The following PTPRO variants were observed in gnomAD, a reference collection of about 807,000 sequenced individuals.
PTPRO encodes protein tyrosine phosphatase receptor type O, also known as receptor-type tyrosine-protein phosphatase O.
In PTPRO, 62 loss-of-function variants were observed where a neutral mutation model predicts 145.2. The ratio of observed to expected loss-of-function variants is 0.43; its 90% CI spans 0.35 to 0.53. PTPRO has a LOEUF of 0.53. Among genes scored for constraint, PTPRO ranks in the 20% least tolerant of loss-of-function variants. The probability of loss-of-function intolerance (pLI) is 0.01; values close to 1 mark genes in which losing one functional copy is unlikely to be tolerated. For missense variants in PTPRO, 1,345 were observed against 1,482.7 expected (o/e 0.91, Z 1.53); for synonymous variants, 565 against 514.7 (o/e 1.10, Z -1.32).
chr12:15,342,684 T>C (rs1414183590), intron 1 of PTPRO, among the ~76,000 whole-genome samples: 2 of 152,168 alleles, frequency 1.3e-5, no homozygotes, highest in Non-Finnish European at 2.9e-5. Context: ...GCCTCGAAGT[T>C]TTCCTGTTAG....
At chr12:15,476,377 T>C (rs1397094933) in intron 1 of PTPRO, among the ~76,000 whole-genome samples, 1 of 152,156 alleles carries the variant, frequency 6.6e-6, no homozygotes, top group East Asian at 1.9e-4. Flanking sequence ...AAAAAATGCA[T>C]TGTTCATGTC....
intron 15 of PTPRO, among the ~76,000 whole-genome samples, chr12:15,553,270 A>G (rs1462311294): frequency 6.6e-6 from 1 of 152,226 alleles, no homozygotes; most frequent in Non-Finnish European, 1.5e-5. Context: ...AATAAACAAT[A>G]AAGATATAAG....
chr12:15,400,598 C>G (rs1265298017), intron 1 of PTPRO, among the ~76,000 whole-genome samples: 1 of 152,218 alleles, frequency 6.6e-6, no homozygotes, highest in Non-Finnish European at 1.5e-5. Flanking sequence ...AACTGAGGCA[C>G]CTTGCATCAT....
chr12:15,337,204 A>G (rs911512052), intron 1 of PTPRO, among the ~76,000 whole-genome samples: 1 of 152,186 alleles, frequency 6.6e-6, no homozygotes, highest in East Asian at 1.9e-4. Context: ...ACTATCATTC[A>G]TTGCAGGAAG....
intron 17 of PTPRO, among the ~76,000 whole-genome samples, chr12:15,563,273 G>T (rs1323516121): frequency 1.3e-5 from 2 of 152,038 alleles, no homozygotes; most frequent in Non-Finnish European, 2.9e-5. Context: ...GCAATGAAAA[G>T]GCGAACCCTA....
At chr12:15,549,319 GC>G in intron 14 of PTPRO, 93 bp downstream of exon 14, 1 of 1,073,694 alleles carries the variant, frequency 9.3e-7, no homozygotes, top group Non-Finnish European at 1.2e-6. Flanking sequence ...GAAATCCCAA[GC>G]TTCGGAGTCA....
rs761192939 is a variant in PTPRO at position 15,466,675 on chromosome 12, T to C, written c.76-17299T>C. Among the ~76,000 whole-genome samples the C allele has an allele frequency of 2.6e-5, 4 of 152,330 alleles. No individual in the cohort carries two copies. In the South Asian group the frequency reaches 6.2e-4, roughly 24 times the overall value. ...TCTCACAACAACCTTGTGATGTTGG[T>C]GTCCTTCTCCCATTTTATAGATGAA... On this transcript the variant is annotated intron_variant, in intron 1 of 26. Coordinates refer to ENST00000281171, the MANE Select transcript of PTPRO (RefSeq NM_030667.3).
intron 1 of PTPRO, among the ~76,000 whole-genome samples, chr12:15,349,112 T>C (rs532783797): frequency 1.3e-5 from 2 of 152,320 alleles, no homozygotes; most frequent in East Asian, 1.9e-4. Context: ...ATAATAAAAC[T>C]TATAGTAGAT....
At position 15,524,847 on chromosome 12, in the gene PTPRO, A is replaced by G. The variant is rs1243141921; in HGVS notation, c.1925A>G (p.Tyr642Cys). The change falls in exon 11 of 27, where the codon TAT becomes TGT. Residue 642 changes from tyrosine to cysteine, a missense_variant. Physicochemically the swap from Tyr to Cys is radical, Grantham distance 194. This residue lies in a region of PTPRO where 1,130 missense variants were observed against 1,214.7 expected (regional missense o/e 0.93). Coordinates refer to ENST00000281171, the MANE Select transcript of PTPRO (RefSeq NM_030667.3). ...GCTCCGGAAATCACTTCTGTGGAAT[A>G]TTTCAACAGTCTGTTATATATCAGT... Reference protein sequence around the residue: ...PVAPEITSVEYFNSLLYISWT... With the variant: ...PVAPEITSVECFNSLLYISWT... The G allele has an allele frequency of 1.9e-6, 3 of 1,613,540 alleles. No homozygotes were observed. The highest frequency in any genetic ancestry group is 2.2e-5 in the East Asian group (1 of 44,852).
rs61249816 is a variant in PTPRO, at chr12:15,544,506, C to CAAA, written c.2165-2044_2165-2042dup. The stretch of plus-strand genomic sequence containing the variant: ...CTGGTGACAGAGCGAGACTCCATCT[C>CAAA]AAAAAAAAAAAAAAAAAAAAAGATT... On this transcript the variant is annotated intron_variant, in intron 12 of 26. Transcript: ENST00000281171. Among the ~76,000 whole-genome samples the CAAA allele has an allele frequency of 4.6e-3, 338 of 73,122 alleles. 22 individuals are homozygous for CAAA. The highest frequency in any genetic ancestry group is 0.015 in the Middle Eastern group (2 of 130). 48.0% of individuals were successfully genotyped at this position (73,122 alleles called of 152,430 possible).
At chr12:15,354,095 C>T (rs1937901536) in intron 1 of PTPRO, among the ~76,000 whole-genome samples, 1 of 152,112 alleles carries the variant, frequency 6.6e-6, no homozygotes, top group Non-Finnish European at 1.5e-5. Flanking sequence ...GTTGGTCCTC[C>T]TCAAATAGGG....
intron 6 of PTPRO, 99 bp downstream of exon 6, chr12:15,504,168 G>T: frequency 7.6e-7 from 1 of 1,319,310 alleles, no homozygotes; most frequent in East Asian, 2.5e-5. Context: ...ACAAACCTTA[G>T]GGATGATGAG....
chr12:15,565,450 G>C, intron 17 of PTPRO, 143 bp from the exon 18 acceptor site: 1 of 579,162 alleles, frequency 1.7e-6, no homozygotes. Context: ...GTAAGGAAAA[G>C]TAAACAAACC....
chr12:15,379,894 T>C (rs759021823), intron 1 of PTPRO, among the ~76,000 whole-genome samples: 1 of 152,196 alleles, frequency 6.6e-6, no homozygotes, highest in African/African-American at 2.4e-5. Flanking sequence ...AAATCCACTT[T>C]AGTATGTCAT....
chr12:15,409,492 TTA>T (rs1274249999), intron 1 of PTPRO, among the ~76,000 whole-genome samples: 1 of 152,174 alleles, frequency 6.6e-6, no homozygotes, highest in Non-Finnish European at 1.5e-5. Flanking sequence ...TTCCATCGTC[TTA>T]TATATAACAA....
intron 1 of PTPRO, among the ~76,000 whole-genome samples, chr12:15,404,600 G>T (rs912354213): frequency 1.3e-5 from 2 of 152,012 alleles, no homozygotes; most frequent in Non-Finnish European, 2.9e-5. Flanking sequence ...TCCTTTTACG[G>T]CATGAAGGCT....
chr12:15,346,508 T>C (rs1487862558), intron 1 of PTPRO: 1 of 152,236 alleles, frequency 6.6e-6, no homozygotes, highest in Non-Finnish European at 1.5e-5. Context: ...AAGATCTTTA[T>C]GGAACAGGCT....
intron 1 of PTPRO, among the ~76,000 whole-genome samples, chr12:15,438,848 T>G (rs74605509): frequency 0.029 from 4,412 of 152,184 alleles, 232 homozygotes; most frequent in African/African-American, 0.1. Context: ...ATACAAGACA[T>G]TCAGAGAATA....
intron 12 of PTPRO, among the ~76,000 whole-genome samples, chr12:15,539,233 C>T (rs1400178339): frequency 1.3e-5 from 2 of 151,960 alleles, no homozygotes; most frequent in African/African-American, 4.8e-5. Context: ...GTAATGAATA[C>T]CCTGAAAGAC....
Sources: allele counts gnomAD v4.1 joint callset (sites outside exome capture counted in the v4.1 genomes callset), GRCh38; gene constraint gnomAD v4.1.1; regional missense constraint gnomAD v4.1.1; transcripts MANE v1.5; gene names NCBI Gene and HGNC (gene_info 2026-07-23, HGNC 2026-07-21).